Variants in SIPA1L2 observed in about 807,000 individuals in gnomAD.
SIPA1L2 encodes signal-induced proliferation-associated 1-like protein 2.
A neutral mutation model predicts 163.9 loss-of-function variants in SIPA1L2; 56 were observed. The observed-to-expected ratio is 0.34, with a 90% CI of 0.28 to 0.43. The LOEUF (loss-of-function observed/expected upper bound fraction) is 0.43, where lower values mean the gene tolerates loss of function less well. SIPA1L2 is among the 20% of genes least tolerant of loss of function. SIPA1L2 has a pLI of 1.00. For synonymous variants in SIPA1L2, 877 were observed against 865.7 expected (o/e 1.01, Z -0.23); for missense variants, 1,974 against 2,193.5 (o/e 0.90, Z 2.00).
At position 232,534,535 on chromosome 1, in the gene SIPA1L2, A is replaced by T. The variant is rs755737477; in HGVS notation, c.-269-18927T>A. Among the ~76,000 whole-genome samples the T allele has an allele frequency of 7.2e-4, 109 of 152,232 alleles. 2 individuals are homozygous for T. The highest frequency in any genetic ancestry group is 3.2e-3 in the Middle Eastern group (1 of 316). On this transcript the variant is annotated intron_variant, in intron 2 of 22. Coordinates refer to ENST00000674635, the MANE Select transcript of SIPA1L2 (RefSeq NM_020808.5). ...CAGGCAACAACAACAAAAATTAATG[A>T]AGTGCCCTTCATCAACACTGAAAAC...
At chr1:232,400,203 A>T (rs934436916) in intron 22 of SIPA1L2, among the ~76,000 whole-genome samples, 1 of 151,196 alleles carries the variant, frequency 6.6e-6, no homozygotes, top group Non-Finnish European at 1.5e-5. Flanking sequence ...GACTCACTTC[A>T]CTCTAAGAAG....
At chr1:232,491,527 G>A (rs1183570841) in intron 4 of SIPA1L2, among the ~76,000 whole-genome samples, 2 of 152,034 alleles carry the variant, frequency 1.3e-5, no homozygotes, top group Middle Eastern at 3.4e-3. Flanking sequence ...GACCATTCCC[G>A]AGGCTGAACA....
At chr1:232,494,365 C>T (rs139912251) in intron 3 of SIPA1L2, among the ~76,000 whole-genome samples, 2 of 152,198 alleles carry the variant, frequency 1.3e-5, no homozygotes, top group South Asian at 2.1e-4. Flanking sequence ...GCACCTGAGG[C>T]CATACTGTCC....
intron 2 of SIPA1L2, among the ~76,000 whole-genome samples, chr1:232,564,180 G>C (rs1157054408): frequency 2.4e-5 from 2 of 81,766 alleles, no homozygotes; most frequent in Non-Finnish European, 4.5e-5. Context: ...GTGTGTGTGT[G>C]TGTGTGTGTT....
chr1:232,623,918 G>A (rs1432060284), intron 1 of SIPA1L2, among the ~76,000 whole-genome samples: 1 of 151,888 alleles, frequency 6.6e-6, no homozygotes, highest in Non-Finnish European at 1.5e-5. Context: ...GTACAACAGT[G>A]GTCTCTACAC....
chr1:232,605,851 A>G (rs1661888454), intron 1 of SIPA1L2, among the ~76,000 whole-genome samples: 1 of 152,246 alleles, frequency 6.6e-6, no homozygotes, highest in Non-Finnish European at 1.5e-5. Flanking sequence ...ACAATATGAT[A>G]GGACTTCTTA....
chr1:232,476,683 T>G lies in SIPA1L2; in HGVS notation c.2085+2944A>C, dbSNP rs563047136. On this transcript the variant is annotated intron_variant, in intron 7 of 22. Transcript: ENST00000674635. ...AGAGCAGGGTTTCTTATCATTCTTT[T>G]GGTCTGGTGAGTTTTTCTACGCAAG... is the stretch of plus-strand genomic sequence containing the variant. Among the ~76,000 whole-genome samples the G allele has an allele frequency of 2.0e-4, 30 of 152,326 alleles. 1 individual carries two copies. The highest frequency in any genetic ancestry group is 7.0e-4 in the African/African-American group (29 of 41,574).
In SIPA1L2 at chr1:232,448,527, C is replaced by T. The variant is rs566806674; in HGVS notation, c.3096-2741G>A. Among the ~76,000 whole-genome samples the T allele has an allele frequency of 5.3e-5, 8 of 152,264 alleles. No homozygotes were observed. In the South Asian group the frequency reaches 1.7e-3, roughly 32 times the overall value. ...AATCATCACAACAGAACAAGGAGAA[C>T]AAGAAACAGAAACAACCTCAACTGC... On this transcript the variant is annotated intron_variant, in intron 10 of 22. Coordinates refer to ENST00000674635, the MANE Select transcript of SIPA1L2 (RefSeq NM_020808.5).
intron 2 of SIPA1L2, among the ~76,000 whole-genome samples, chr1:232,572,710 T>TACACAC (rs1343714140): frequency 3.9e-5 from 3 of 76,062 alleles, no homozygotes; most frequent in East Asian, 8.6e-4. Context: ...TATATATATA[T>TACACAC]ATATATACAC....
chr1:232,411,825 C>T (rs1223321368), intron 19 of SIPA1L2, among the ~76,000 whole-genome samples: 4 of 152,138 alleles, frequency 2.6e-5, no homozygotes, highest in Non-Finnish European at 5.9e-5. Flanking sequence ...TTCATTAATT[C>T]TTCCCAGCAT....
intron 2 of SIPA1L2, among the ~76,000 whole-genome samples, chr1:232,564,715 T>C (rs773945811): frequency 1.3e-4 from 20 of 152,220 alleles, no homozygotes; most frequent in Non-Finnish European, 2.5e-4. Flanking sequence ...TGGGTTTTTA[T>C]TGTGGGGACA....
At chr1:232,593,788 T>C (rs534899524) in intron 1 of SIPA1L2, among the ~76,000 whole-genome samples, 5 of 152,234 alleles carry the variant, frequency 3.3e-5, no homozygotes, top group South Asian at 2.1e-4. Flanking sequence ...AAATAAGCAA[T>C]ATTCAAAGTA....
intron 2 of SIPA1L2, among the ~76,000 whole-genome samples, chr1:232,528,103 A>ATATATATATATATATATATATCG (rs1558246735): frequency 2.3e-4 from 12 of 51,734 alleles, no homozygotes; most frequent in African/African-American, 7.8e-4. Flanking sequence ...TATATATATA[A>ATATATATATATATATATATATCG]TCAACTTTCT....
At chr1:232,451,443 A>G (rs565212084) in intron 10 of SIPA1L2, among the ~76,000 whole-genome samples, 20 of 152,196 alleles carry the variant, frequency 1.3e-4, no homozygotes, top group Non-Finnish European at 2.8e-4. Flanking sequence ...GATGGGGCAC[A>G]TGGCAAATAT....
At chr1:232,428,633 C>G in intron 16 of SIPA1L2, 69 bp from the exon 17 acceptor site, 2 of 1,270,764 alleles carry the variant, frequency 1.6e-6, no homozygotes, top group Non-Finnish European at 2.1e-6. Context: ...GAATTAAAAC[C>G]TAGGAAGCAG....
intron 2 of SIPA1L2, among the ~76,000 whole-genome samples, chr1:232,533,807 G>A (rs1003937317): frequency 6.6e-6 from 1 of 152,140 alleles, no homozygotes. Context: ...GCTGAACAAC[G>A]AGTTAAGCAG....
At chr1:232,399,628 C>A (rs140434730) in intron 22 of SIPA1L2, among the ~76,000 whole-genome samples, 6 of 152,192 alleles carry the variant, frequency 3.9e-5, no homozygotes, top group African/African-American at 1.4e-4. Context: ...ACAAAACTTT[C>A]TAAGTAGAAA....
At chr1:232,541,222 A>G (rs789636) in intron 2 of SIPA1L2, among the ~76,000 whole-genome samples, 45,368 of 151,684 alleles carry the variant, frequency 0.3, 7,123 homozygotes, top group Middle Eastern at 0.41. Context: ...ACACCTGCAC[A>G]TGTATCACAT....
intron 19 of SIPA1L2, among the ~76,000 whole-genome samples, chr1:232,407,994 T>C (rs1190806398): frequency 1.3e-5 from 2 of 152,142 alleles, no homozygotes; most frequent in African/African-American, 2.4e-5. Context: ...CGAAAGCCAT[T>C]ATATACATTA....
Sources: gnomAD v4.1 joint callset for allele counts (sites outside exome capture counted in the v4.1 genomes callset) on GRCh38, gnomAD v4.1.1 for gene constraint, MANE v1.5 for transcripts, NCBI Gene and HGNC (gene_info 2026-07-23, HGNC 2026-07-21) for gene names.